The following CHCHD6 variants were observed in gnomAD, a reference collection of about 807,000 sequenced individuals.
CHCHD6 encodes the protein coiled-coil-helix-coiled-coil-helix domain containing 6, also known as MICOS complex subunit MIC25.
In CHCHD6, 28 loss-of-function variants were observed where a neutral mutation model predicts 32.3. The observed-to-expected ratio is 0.87, with a 90% CI of 0.64 to 1.19. The LOEUF is 1.19. Among genes scored for constraint, CHCHD6 ranks in the 50% most tolerant of loss-of-function variants. The pLI is 0.00. For missense variants in CHCHD6, 333 were observed against 307.0 expected, an observed-to-expected ratio of 1.08 and a Z score of -0.63; for synonymous variants, 122 against 117.5, an observed-to-expected ratio of 1.04 and a Z score of -0.25.
chr3:126,865,749 T>TA, intron 5 of CHCHD6: 1 of 984,082 alleles, frequency 1.0e-6, no homozygotes. Flanking sequence ...GTATGTTTGC[T>TA]AAAGATGTGT....
At chr3:126,954,459 C>A (rs1371552403) in intron 6 of CHCHD6, among the ~76,000 whole-genome samples, 1 of 152,238 alleles carries the variant, frequency 6.6e-6, no homozygotes, top group Non-Finnish European at 1.5e-5. Context: ...CAGGTCAGCC[C>A]TCCAGCTCCA....
chr3:126,815,502 T>C (rs1464247554), intron 4 of CHCHD6, among the ~76,000 whole-genome samples: 1 of 152,208 alleles, frequency 6.6e-6, no homozygotes, highest in Non-Finnish European at 1.5e-5. Flanking sequence ...GTTATCATCC[T>C]TGACTCCTCC....
intron 4 of CHCHD6, among the ~76,000 whole-genome samples, chr3:126,808,894 CATA>C (rs1316985591): frequency 2.6e-5 from 4 of 152,140 alleles, no homozygotes; most frequent in Non-Finnish European, 4.4e-5. Context: ...AAAACACTCT[CATA>C]ATAAGCAGAT....
intron 5 of CHCHD6, among the ~76,000 whole-genome samples, chr3:126,879,581 G>C (rs2077581276): frequency 6.6e-6 from 1 of 152,224 alleles, no homozygotes; most frequent in Admixed American, 6.5e-5. Context: ...GAAAGGCTGG[G>C]AATGCTTTAG....
chr3:126,739,681 CATTA>C (rs879291737), intron 4 of CHCHD6, among the ~76,000 whole-genome samples: 1 of 152,286 alleles, frequency 6.6e-6, no homozygotes, highest in Non-Finnish European at 1.5e-5. Flanking sequence ...TGGGAAAAGT[CATTA>C]ACTTCTACTT....
At chr3:126,822,852 TTA>T (rs1940210823) in intron 4 of CHCHD6, among the ~76,000 whole-genome samples, 1 of 152,208 alleles carries the variant, frequency 6.6e-6, no homozygotes, top group Non-Finnish European at 1.5e-5. Flanking sequence ...GTAACACTCT[TTA>T]TTAATTATTG....
At chr3:126,877,093 G>C (rs2107570853) in intron 5 of CHCHD6, among the ~76,000 whole-genome samples, 1 of 152,282 alleles carries the variant, frequency 6.6e-6, no homozygotes, top group Non-Finnish European at 1.5e-5. Context: ...GAAAAAGATA[G>C]AAGTGTTTGA....
chr3:126,790,322 A>C (rs1170252298), intron 4 of CHCHD6, among the ~76,000 whole-genome samples: 3 of 151,874 alleles, frequency 2.0e-5, no homozygotes, highest in African/African-American at 7.3e-5. Flanking sequence ...CTTCTCGAGG[A>C]GTATCTTTGT....
At chr3:126,775,592 G>A (rs2107678781) in intron 4 of CHCHD6, among the ~76,000 whole-genome samples, 1 of 152,306 alleles carries the variant, frequency 6.6e-6, no homozygotes, top group African/African-American at 2.4e-5. Flanking sequence ...GTATTACGGA[G>A]TTAGCAACCG....
intron 1 of CHCHD6, among the ~76,000 whole-genome samples, chr3:126,707,616 A>C (rs1361981796): frequency 6.6e-6 from 1 of 152,178 alleles, no homozygotes; most frequent in Non-Finnish European, 1.5e-5. Flanking sequence ...ACTGTTCACC[A>C]GCCTTTCCCC....
chr3:126,927,464 C>A (rs1324641084), intron 6 of CHCHD6, among the ~76,000 whole-genome samples: 2 of 152,230 alleles, frequency 1.3e-5, no homozygotes, highest in Non-Finnish European at 2.9e-5. Flanking sequence ...GTGGCAGCTG[C>A]AGGCTTAAGG....
intron 4 of CHCHD6, among the ~76,000 whole-genome samples, chr3:126,790,635 T>G (rs953494634): frequency 6.6e-6 from 1 of 152,246 alleles, no homozygotes; most frequent in African/African-American, 2.4e-5. Flanking sequence ...AGCTTGTGCA[T>G]TCGTCATGTA....
intron 5 of CHCHD6, among the ~76,000 whole-genome samples, chr3:126,896,235 C>T (rs2077836671): frequency 6.6e-6 from 1 of 152,196 alleles, no homozygotes; most frequent in South Asian, 2.1e-4. Flanking sequence ...TTTATCTTCC[C>T]TTGCCTTGGG....
Position 126,733,153 on chromosome 3 carries a change from G to T in CHCHD6, c.342G>T (p.Lys114Asn). ...AGAGGGAAAGAGAGGCTGCCACCAA[G>T]CACTCCAAGGCATCCCTGCCCACGG... ...VAKREREAAT[K>N]HSKASLPTGE... Residue 114 changes from lysine to asparagine, a missense_variant, in exon 4 of 8, where the codon AAG becomes AAT. By Grantham distance (94) the Lys-to-Asn change is moderately conservative. Transcript: ENST00000290913. 1 of 1,614,214 alleles carries T rather than the reference G, an allele frequency of 6.2e-7. No individual in the cohort carries two copies. The highest frequency in any genetic ancestry group is 8.5e-7 in the Non-Finnish European group (1 of 1,180,014).
chr3:126,937,180 T>A (rs535942218), intron 6 of CHCHD6, among the ~76,000 whole-genome samples: 1 of 152,364 alleles, frequency 6.6e-6, no homozygotes, highest in South Asian at 2.1e-4. Context: ...AGTAGTCAAG[T>A]AGGGACCTAA....
At chr3:126,777,172 A>G (rs1937686624) in intron 4 of CHCHD6, among the ~76,000 whole-genome samples, 1 of 152,050 alleles carries the variant, frequency 6.6e-6, no homozygotes, top group Admixed American at 6.6e-5. Flanking sequence ...TACTTATTTT[A>G]CCTGGTTTTC....
At chr3:126,938,940 T>A (rs2078520950) in intron 6 of CHCHD6, among the ~76,000 whole-genome samples, 1 of 152,258 alleles carries the variant, frequency 6.6e-6, no homozygotes, top group African/African-American at 2.4e-5. Flanking sequence ...TATTTGGTAC[T>A]CTTTTTCATT....
intron 4 of CHCHD6, among the ~76,000 whole-genome samples, chr3:126,775,880 G>A (rs1466451837): frequency 1.3e-5 from 2 of 152,218 alleles, no homozygotes; most frequent in Non-Finnish European, 2.9e-5. Flanking sequence ...AGAAGGGAGA[G>A]GAAGCACACT....
At chr3:126,705,455 G>C (rs1934439720) in intron 1 of CHCHD6, among the ~76,000 whole-genome samples, 1 of 152,288 alleles carries the variant, frequency 6.6e-6, no homozygotes, top group South Asian at 2.1e-4. Context: ...GCCCTATTTA[G>C]CCCATTATTG....
Sources: allele counts gnomAD v4.1 joint callset (sites outside exome capture counted in the v4.1 genomes callset), GRCh38; gene constraint gnomAD v4.1.1; transcripts MANE v1.5; gene names NCBI Gene and HGNC (gene_info 2026-07-23, HGNC 2026-07-21).